Variants in WDR27 observed in about 807,000 individuals in gnomAD.
WDR27 encodes WD repeat-containing protein 27.
A neutral mutation model predicts 114.4 loss-of-function variants in WDR27; 100 were observed. That is an observed-to-expected ratio of 0.87 (90% CI 0.74 to 1.03). The LOEUF (loss-of-function observed/expected upper bound fraction) is 1.03, where lower values mean the gene tolerates loss of function less well. WDR27 is among the 50% of genes least tolerant of loss of function. The pLI is 0.00. For synonymous variants in WDR27, 449 were observed against 423.1 expected (o/e 1.06, Z -0.75); for missense variants, 1,129 against 1,092.9 (o/e 1.03, Z -0.47).
At chr6:169,503,087 C>T (rs147686612) in intron 25 of WDR27, among the ~76,000 whole-genome samples, 2 of 152,246 alleles carry the variant, frequency 1.3e-5, no homozygotes, top group Non-Finnish European at 2.9e-5. Context: ...TTGTCTCTGG[C>T]TGTGTCCTCA....
At chr6:169,569,999 A>C (rs1801112753) in intron 25 of WDR27, among the ~76,000 whole-genome samples, 1 of 152,162 alleles carries the variant, frequency 6.6e-6, no homozygotes, top group African/African-American at 2.4e-5. Context: ...AGCCCTCTTG[A>C]GGGCAGGAGT....
At chr6:169,510,345 G>A (rs1254838562) in intron 25 of WDR27, among the ~76,000 whole-genome samples, 16 of 151,836 alleles carry the variant, frequency 1.1e-4, no homozygotes, top group African/African-American at 2.2e-4. Context: ...TGTTTATTGT[G>A]GCACTATTCA....
intron 25 of WDR27, among the ~76,000 whole-genome samples, chr6:169,531,135 G>A (rs1178367856): frequency 6.6e-6 from 1 of 152,192 alleles, no homozygotes; most frequent in African/African-American, 2.4e-5. Context: ...TGAATGAATG[G>A]ATATATGGAT....
Position 169,664,346 on chromosome 6 carries a change from G to A in WDR27, c.784-60C>T, listed in dbSNP as rs141661876. The A allele has an allele frequency of 2.5e-4, 397 of 1,609,502 alleles. 1 individual carries two copies. The African/African-American group carries it at 4.9e-3, about 20-fold the overall frequency. On this transcript the variant is annotated intron_variant, in intron 7 of 25. Transcript: ENST00000448612. ...CAGCAAGGGTCCTGACGCAGAAGCA[G>A]CAACACCAGAGGTGGAGCAGGGAGG...
chr6:169,690,226 AT>A (rs1784130199), intron 1 of WDR27, among the ~76,000 whole-genome samples: 1 of 151,878 alleles, frequency 6.6e-6, no homozygotes. Context: ...CATGCTGGTC[AT>A]GTGGATTCAA....
chr6:169,677,719 T>C (rs1211576179), intron 2 of WDR27, among the ~76,000 whole-genome samples: 2 of 152,250 alleles, frequency 1.3e-5, no homozygotes, highest in Non-Finnish European at 2.9e-5. Context: ...TTACAGGCCC[T>C]GAAGTCTAGG....
chr6:169,621,534 A>G (rs1321969323), intron 21 of WDR27, among the ~76,000 whole-genome samples: 1 of 151,644 alleles, frequency 6.6e-6, no homozygotes, highest in East Asian at 1.9e-4. Flanking sequence ...ATACACACAC[A>G]CGCACGCATA....
chr6:169,586,847 C>CA lies in WDR27; in HGVS notation c.2425-3914dup, dbSNP rs3029697. Among the ~76,000 whole-genome samples the CA allele has an allele frequency of 8.4e-4, 27 of 32,056 alleles. 5 individuals carry two copies. The highest frequency in any genetic ancestry group is 2.2e-3 in the African/African-American group (18 of 8,198). 21.0% of individuals were successfully genotyped at this position (32,056 alleles called of 152,430 possible). ...CTGGCGACACAGCTAGACTCTGTCTCAAAAAAAAAAAAAAAAAAAAAAAAA... is the reference window on the plus strand; with the variant it reads ...CTGGCGACACAGCTAGACTCTGTCTCAAAAAAAAAAAAAAAAAAAAAAAAAA... On this transcript the variant is annotated intron_variant, in intron 23 of 25. Transcript: ENST00000448612.
chr6:169,604,838 A>G (rs891373356), intron 22 of WDR27, among the ~76,000 whole-genome samples: 10 of 152,150 alleles, frequency 6.6e-5, no homozygotes, highest in Non-Finnish European at 1.5e-4. Flanking sequence ...AGAATCATGG[A>G]CAAAAAAATA....
chr6:169,460,421 G>A (rs1784773491), intron 25 of WDR27, among the ~76,000 whole-genome samples: 3 of 151,940 alleles, frequency 2.0e-5, no homozygotes, highest in African/African-American at 7.3e-5. Flanking sequence ...TAGCCACAAA[G>A]AAAACAGCTA....
At chr6:169,641,940 C>A (rs1819296057) in intron 17 of WDR27, among the ~76,000 whole-genome samples, 1 of 152,228 alleles carries the variant, frequency 6.6e-6, no homozygotes, top group Non-Finnish European at 1.5e-5. Context: ...GGCGGAAGGC[C>A]TGGGACTCAA....
chr6:169,502,403 T>A (rs1363257821), intron 25 of WDR27, among the ~76,000 whole-genome samples: 1 of 152,178 alleles, frequency 6.6e-6, no homozygotes, highest in Non-Finnish European at 1.5e-5. Context: ...GCTTACACTG[T>A]AGTTTTTTTG....
chr6:169,637,023 C>T lies in WDR27; in HGVS notation c.1870-519G>A, dbSNP rs534139394. ...TTCAATCCCCTTTCTATAAAAGACG[C>T]AAAGAAAATAAATCCCAACATCTTT... On this transcript the variant is annotated intron_variant, in intron 18 of 25. Transcript: ENST00000448612. Among the ~76,000 whole-genome samples, 11 of 152,302 alleles carry T rather than the reference C, an allele frequency of 7.2e-5. No homozygotes were observed. The East Asian group carries it at 2.1e-3, about 29-fold the overall frequency.
chr6:169,695,443 T>C (rs1471410487), intron 1 of WDR27, among the ~76,000 whole-genome samples: 1 of 152,204 alleles, frequency 6.6e-6, no homozygotes, highest in Non-Finnish European at 1.5e-5. Flanking sequence ...CCTCTAGGCA[T>C]TGCACCAAAA....
the WDR27 span, among the ~76,000 whole-genome samples, chr6:169,435,823 C>A: frequency 1.3e-5 from 2 of 152,120 alleles, no homozygotes; most frequent in African/African-American, 4.8e-5. Context: ...TTTTGAGGGA[C>A]TGTTGGGAAG....
intron 17 of WDR27, among the ~76,000 whole-genome samples, chr6:169,642,875 A>C (rs888814158): frequency 6.6e-6 from 1 of 152,112 alleles, no homozygotes; most frequent in Non-Finnish European, 1.5e-5. Flanking sequence ...CCATATTCGC[A>C]ATGCTTGGGA....
intron 13 of WDR27, among the ~76,000 whole-genome samples, 176 bp from the exon 14 acceptor site, chr6:169,652,184 A>G (rs1450817231): frequency 6.6e-6 from 1 of 152,260 alleles, no homozygotes; most frequent in East Asian, 1.9e-4. Context: ...TCAGCAAAAG[A>G]TTAAATCAAG....
intron 25 of WDR27, among the ~76,000 whole-genome samples, chr6:169,462,218 G>C (rs1784992287): frequency 6.6e-6 from 1 of 152,042 alleles, no homozygotes; most frequent in South Asian, 2.1e-4. Flanking sequence ...GGGAGGCCGA[G>C]GTGGTCACCT....
chr6:169,550,289 G>A (rs1797928567), intron 25 of WDR27, among the ~76,000 whole-genome samples: 1 of 152,154 alleles, frequency 6.6e-6, no homozygotes, highest in African/African-American at 2.4e-5. Flanking sequence ...TCAACAAGAA[G>A]GTTAATGAGG....
Sources: allele counts gnomAD v4.1 joint callset (sites outside exome capture counted in the v4.1 genomes callset), GRCh38; gene constraint gnomAD v4.1.1; transcripts MANE v1.5; gene names NCBI Gene and HGNC (gene_info 2026-07-23, HGNC 2026-07-21).